NRG3: variants seen among roughly 807,000 people sequenced by gnomAD.
The protein encoded by NRG3 is neuregulin 3.
In NRG3, 31 loss-of-function variants were observed where a neutral mutation model predicts 66.9. The ratio of observed to expected loss-of-function variants is 0.46; its 90% CI spans 0.35 to 0.63. The LOEUF (loss-of-function observed/expected upper bound fraction) is 0.63, where lower values mean the gene tolerates loss of function less well. Among genes scored for constraint, NRG3 ranks in the 20% least tolerant of loss-of-function variants. NRG3 has a pLI of 0.00. For missense variants in NRG3, 910 were observed against 878.9 expected (o/e 1.04, Z -0.45); for synonymous variants, 393 against 359.4 (o/e 1.09, Z -1.06).
chr10:82,631,410 C>T (rs991633722), intron 2 of NRG3, among the ~76,000 whole-genome samples: 4 of 152,174 alleles, frequency 2.6e-5, no homozygotes, highest in Admixed American at 1.3e-4. Context: ...ATTTTGAACT[C>T]ATGAGAACCC....
intron 4 of NRG3, among the ~76,000 whole-genome samples, chr10:82,901,777 T>C (rs1844244696): frequency 6.6e-6 from 1 of 152,166 alleles, no homozygotes; most frequent in Non-Finnish European, 1.5e-5. Context: ...AACTTGGTGG[T>C]GGTGCACAAA....
rs1323986263 is a variant in NRG3, at chr10:82,198,236, G to A, written c.824-160503G>A. Among the ~76,000 whole-genome samples, 5 of 152,180 alleles carry A rather than the reference G, an allele frequency of 3.3e-5. 1 individual carries two copies. Among genetic ancestry groups the A allele is most frequent in the East Asian group, 1.9e-4 (1 of 5,174 alleles). ...TTTTATGGTTTTTCAGATTCCAAAC[G>A]GAAGAAAAAGATATATAAACACTAC... On this transcript the variant is annotated intron_variant, in intron 1 of 8. Coordinates refer to ENST00000372141, the MANE Select transcript of NRG3 (RefSeq NM_001010848.4).
intron 2 of NRG3, among the ~76,000 whole-genome samples, chr10:82,684,607 A>G (rs894271682): frequency 5.9e-5 from 9 of 152,142 alleles, no homozygotes; most frequent in Admixed American, 3.3e-4. Context: ...ATTAACCCCC[A>G]TTATGTATGA....
At chr10:82,542,365 T>C (rs946153107) in intron 2 of NRG3, among the ~76,000 whole-genome samples, 1 of 152,186 alleles carries the variant, frequency 6.6e-6, no homozygotes, top group Non-Finnish European at 1.5e-5. Context: ...TAGGGACATA[T>C]AGAGGAGAGT....
At chr10:81,964,320 C>T (rs777320588) in intron 1 of NRG3, among the ~76,000 whole-genome samples, 4 of 146,540 alleles carry the variant, frequency 2.7e-5, no homozygotes, top group African/African-American at 1.0e-4. Context: ...CACTTGAACC[C>T]GGGAGGCGGA....
intron 2 of NRG3, among the ~76,000 whole-genome samples, chr10:82,586,319 G>A (rs976090997): frequency 2.0e-5 from 3 of 151,312 alleles, no homozygotes; most frequent in East Asian, 1.9e-4. Context: ...CTTGGGAGAA[G>A]ACAAGGAGAA....
At chr10:82,431,200 A>C (rs1422714416) in intron 2 of NRG3, among the ~76,000 whole-genome samples, 1 of 152,156 alleles carries the variant, frequency 6.6e-6, no homozygotes, top group Admixed American at 6.5e-5. Flanking sequence ...CAGGGCAAGT[A>C]AATACTAGCC....
At chr10:82,579,064 G>T in intron 2 of NRG3, among the ~76,000 whole-genome samples, 1 of 151,674 alleles carries the variant, frequency 6.6e-6, no homozygotes, top group East Asian at 1.9e-4. Context: ...ATTGTAACTT[G>T]GTTTCCATTC....
At chr10:82,852,088 C>A (rs138448148) in intron 3 of NRG3, among the ~76,000 whole-genome samples, 2 of 152,254 alleles carry the variant, frequency 1.3e-5, no homozygotes, top group African/African-American at 4.8e-5. Flanking sequence ...GTGGGGATAG[C>A]ACTGGAGAAG....
At chr10:81,936,255 G>A (rs560569281) in intron 1 of NRG3, among the ~76,000 whole-genome samples, 2 of 152,200 alleles carry the variant, frequency 1.3e-5, no homozygotes, top group Admixed American at 6.5e-5. Flanking sequence ...AATTTCACTC[G>A]GAGTAACTTG....
At chr10:82,347,804 C>T (rs977006692) in intron 1 of NRG3, among the ~76,000 whole-genome samples, 2 of 152,026 alleles carry the variant, frequency 1.3e-5, no homozygotes, top group African/African-American at 4.8e-5. Context: ...TTGAATTGAT[C>T]CCTTTACCAT....
At chr10:82,409,174 T>TA (rs940328517) in intron 2 of NRG3, among the ~76,000 whole-genome samples, 9 of 152,184 alleles carry the variant, frequency 5.9e-5, no homozygotes, top group Admixed American at 5.2e-4. Flanking sequence ...ATCTACCAAT[T>TA]ACTTCAATAA....
intron 1 of NRG3, among the ~76,000 whole-genome samples, chr10:82,051,470 G>A (rs774725050): frequency 4.6e-5 from 7 of 152,100 alleles, no homozygotes; most frequent in African/African-American, 1.4e-4. Context: ...CAAATGTGCC[G>A]AAGTTTGGAT....
intron 1 of NRG3, among the ~76,000 whole-genome samples, chr10:82,132,481 T>TATATATG (rs1554831183): frequency 2.2e-3 from 16 of 7,312 alleles, no homozygotes; most frequent in South Asian, 9.3e-3. Flanking sequence ...ATATATATGA[T>TATATATG]ATATATATAT....
chr10:82,903,786 T>C (rs1480945931), intron 4 of NRG3, among the ~76,000 whole-genome samples: 1 of 152,122 alleles, frequency 6.6e-6, no homozygotes, highest in Non-Finnish European at 1.5e-5. Flanking sequence ...TATTAGTAAT[T>C]AAATTTGATG....
intron 2 of NRG3, among the ~76,000 whole-genome samples, chr10:82,560,949 A>G (rs1196720816): frequency 6.6e-6 from 1 of 152,084 alleles, no homozygotes; most frequent in Non-Finnish European, 1.5e-5. Context: ...TCTACCTGGT[A>G]GTATTTATTG....
chr10:82,292,051 G>T (rs756928170), intron 1 of NRG3, among the ~76,000 whole-genome samples: 2 of 152,020 alleles, frequency 1.3e-5, no homozygotes, highest in African/African-American at 4.8e-5. Flanking sequence ...AAGACTGGGG[G>T]AAAATATTTG....
chr10:82,464,425 G>A (rs1456890446), intron 2 of NRG3, among the ~76,000 whole-genome samples: 1 of 152,186 alleles, frequency 6.6e-6, no homozygotes, highest in African/African-American at 2.4e-5. Flanking sequence ...TTGTGCAGCG[G>A]AATCCAAACT....
At chr10:82,775,135 A>C (rs1036647471) in intron 3 of NRG3, among the ~76,000 whole-genome samples, 8 of 148,770 alleles carry the variant, frequency 5.4e-5, no homozygotes, top group Non-Finnish European at 1.0e-4. Flanking sequence ...CTATTATTTC[A>C]TTTCTTCTGA....
Sources: allele counts gnomAD v4.1 joint callset (sites outside exome capture counted in the v4.1 genomes callset), GRCh38; gene constraint gnomAD v4.1.1; transcripts MANE v1.5; gene names NCBI Gene and HGNC (gene_info 2026-07-23, HGNC 2026-07-21).